SGCZ: variants seen among roughly 807,000 people sequenced by gnomAD.
SGCZ encodes the protein sarcoglycan zeta.
SGCZ carries 40 observed loss-of-function variants against 41.3 expected under a neutral mutation model. The ratio of observed to expected loss-of-function variants is 0.97; its 90% confidence interval spans 0.75 to 1.26. The LOEUF (loss-of-function observed/expected upper bound fraction) is 1.26, where lower values mean the gene tolerates loss of function less well. Among genes scored for constraint, SGCZ ranks in the 50% most tolerant of loss-of-function variants. The pLI, the probability that SGCZ is intolerant of heterozygous loss-of-function variation, is 0.00. For missense variants in SGCZ, 552 were observed against 369.8 expected (o/e 1.49, Z -4.04); for synonymous variants, 206 against 137.5 (o/e 1.50, Z -3.49).
At chr8:14,159,391 T>G (rs957047645) in intron 5 of SGCZ, among the ~76,000 whole-genome samples, 1 of 152,180 alleles carries the variant, frequency 6.6e-6, no homozygotes, top group African/African-American at 2.4e-5. Context: ...AAATAAATCA[T>G]GAAGAGGACC....
Position 14,376,077 on chromosome 8 carries a change from G to C in SGCZ, c.235-51873C>G, listed in dbSNP as rs556555366. Among the ~76,000 whole-genome samples the C allele has an allele frequency of 2.2e-4, 34 of 152,310 alleles. No individual in the cohort carries two copies. In the South Asian group the frequency reaches 7.0e-3, roughly 32 times the overall value. Reference sequence around the variant, plus strand: ...GCCGGTAATCCCAGCACTTTGGGAGGCCGAGGCGGGTGGATCACAAGGTCT... The same window carrying C: ...GCCGGTAATCCCAGCACTTTGGGAGCCCGAGGCGGGTGGATCACAAGGTCT... On this transcript the variant is annotated intron_variant, in intron 2 of 7. Transcript: ENST00000382080.
At chr8:14,976,740 C>T (rs1368671685) in intron 1 of SGCZ, among the ~76,000 whole-genome samples, 2 of 152,118 alleles carry the variant, frequency 1.3e-5, no homozygotes, top group African/African-American at 2.4e-5. Context: ...CATCCCACAC[C>T]GGTGTTAATC....
intron 2 of SGCZ, among the ~76,000 whole-genome samples, chr8:14,356,982 A>G (rs1289234655): frequency 6.6e-6 from 1 of 152,080 alleles, no homozygotes; most frequent in East Asian, 1.9e-4. Flanking sequence ...TCAGAAACAC[A>G]ATAGTAAAAT....
chr8:15,010,153 G>C (rs1277990005), intron 1 of SGCZ, among the ~76,000 whole-genome samples: 2 of 152,118 alleles, frequency 1.3e-5, no homozygotes, highest in East Asian at 3.9e-4. Context: ...ACTTAGCCTT[G>C]AAATTCAATG....
At chr8:14,694,044 A>G (rs201529347) in intron 1 of SGCZ, among the ~76,000 whole-genome samples, 2 of 152,182 alleles carry the variant, frequency 1.3e-5, no homozygotes, top group East Asian at 1.9e-4. Context: ...GTAAGTTGTC[A>G]TTTCTTACAA....
intron 1 of SGCZ, among the ~76,000 whole-genome samples, chr8:14,870,090 T>C (rs984793969): frequency 4.6e-5 from 7 of 152,108 alleles, no homozygotes; most frequent in African/African-American, 1.2e-4. Flanking sequence ...TTAAATTTCA[T>C]ATGGAACCAA....
At chr8:14,182,373 T>C (rs908939806) in intron 4 of SGCZ, among the ~76,000 whole-genome samples, 3 of 152,158 alleles carry the variant, frequency 2.0e-5, no homozygotes, top group Admixed American at 6.5e-5. Flanking sequence ...TCCAGTCTTA[T>C]TGCTCAAGCA....
intron 1 of SGCZ, among the ~76,000 whole-genome samples, chr8:15,215,032 A>G (rs1453736113): frequency 6.6e-6 from 1 of 152,196 alleles, no homozygotes; most frequent in Non-Finnish European, 1.5e-5. Flanking sequence ...AATGAGCAGG[A>G]TAGTTTGCAT....
At chr8:14,438,355 A>T (rs1025370958) in intron 2 of SGCZ, among the ~76,000 whole-genome samples, 1 of 151,980 alleles carries the variant, frequency 6.6e-6, no homozygotes, top group African/African-American at 2.4e-5. Flanking sequence ...CTGAAATGGA[A>T]ATCTTTAGAC....
intron 2 of SGCZ, among the ~76,000 whole-genome samples, chr8:14,334,220 T>A (rs2117058986): frequency 6.6e-6 from 1 of 152,192 alleles, no homozygotes. Context: ...TATAGGAATT[T>A]CTTCTAGACT....
At chr8:14,250,469 G>T (rs534314166) in intron 3 of SGCZ, among the ~76,000 whole-genome samples, 29 of 152,114 alleles carry the variant, frequency 1.9e-4, no homozygotes, top group African/African-American at 6.0e-4. Flanking sequence ...GTTATAATCA[G>T]CAGAATGTGG....
In SGCZ at chr8:14,558,611, A is replaced by AGAGAGG. The variant is rs1465597797; in HGVS notation, c.40-3686_40-3685insCCTCTC. Among the ~76,000 whole-genome samples, 5 of 137,352 alleles carry AGAGAGG rather than the reference A, an allele frequency of 3.6e-5. No homozygotes were observed. The East Asian group carries it at 6.4e-4, about 18-fold the overall frequency. The allele number at this position is 137,352 out of a possible 152,430, so 90.1% of individuals were successfully genotyped here. A position where few individuals can be genotyped will look rare whatever the true frequency, so the allele number is the denominator to read the frequency against. On this transcript the variant is annotated intron_variant, in intron 1 of 7. Transcript: ENST00000382080. Reference sequence around the variant, plus strand: ...GAGAGAGAGAGAGAGAGAGAGAGAGAGAATCTTCCATAAATAATTATATGA... The same window carrying AGAGAGG: ...GAGAGAGAGAGAGAGAGAGAGAGAGAGAGAGGGAATCTTCCATAAATAATTATATGA...
chr8:15,167,269 G>T (rs1460718871), intron 1 of SGCZ, among the ~76,000 whole-genome samples: 1 of 152,214 alleles, frequency 6.6e-6, no homozygotes, highest in Non-Finnish European at 1.5e-5. Context: ...GCTTTGACTG[G>T]ATAGGTATGC....
At chr8:14,496,102 G>A (rs919234106) in intron 2 of SGCZ, among the ~76,000 whole-genome samples, 1 of 151,780 alleles carries the variant, frequency 6.6e-6, no homozygotes. Context: ...CTCTCATTCT[G>A]TCACCCAGGC....
chr8:14,613,234 GT>G (rs771935071), intron 1 of SGCZ, among the ~76,000 whole-genome samples: 4 of 152,130 alleles, frequency 2.6e-5, no homozygotes, highest in Non-Finnish European at 4.4e-5. Flanking sequence ...TAGTATGAAA[GT>G]TTATGATGTA....
At chr8:14,256,563 CTCTT>C (rs201757804) in intron 3 of SGCZ, among the ~76,000 whole-genome samples, 1 of 91,204 alleles carries the variant, frequency 1.1e-5, no homozygotes, top group African/African-American at 3.1e-5. Flanking sequence ...GAATTACTCT[CTCTT>C]TCTCCTCCCT....
chr8:14,568,257 G>A (rs1335477270), intron 1 of SGCZ, among the ~76,000 whole-genome samples: 10 of 151,942 alleles, frequency 6.6e-5, no homozygotes, highest in Admixed American at 6.6e-4. Context: ...AGAGGAGGGA[G>A]AGCATCAGGA....
intron 2 of SGCZ, among the ~76,000 whole-genome samples, chr8:14,479,955 G>A (rs1323344864): frequency 6.6e-6 from 1 of 152,030 alleles, no homozygotes; most frequent in Non-Finnish European, 1.5e-5. Context: ...ATGTTGGTCA[G>A]GCTAGTCTCG....
At chr8:14,774,866 C>T (rs1800352727) in intron 1 of SGCZ, among the ~76,000 whole-genome samples, 1 of 152,070 alleles carries the variant, frequency 6.6e-6, no homozygotes, top group Non-Finnish European at 1.5e-5. Flanking sequence ...AATTTACTAC[C>T]TATTAAGTAC....
Sources: allele counts gnomAD v4.1 joint callset (sites outside exome capture counted in the v4.1 genomes callset), GRCh38; gene constraint gnomAD v4.1.1; transcripts MANE v1.5; gene names NCBI Gene and HGNC (gene_info 2026-07-23, HGNC 2026-07-21).